Variants in PITPNM3 observed in about 807,000 individuals in gnomAD.
PITPNM3 encodes PITPNM family member 3.
Under a neutral mutation model 102.0 loss-of-function variants are expected in PITPNM3, and 26 were observed. The ratio of observed to expected loss-of-function variants is 0.25; its 90% CI spans 0.19 to 0.35. The LOEUF (loss-of-function observed/expected upper bound fraction) is 0.35, where lower values mean the gene tolerates loss of function less well. Among genes scored for constraint, PITPNM3 ranks in the 10% least tolerant of loss-of-function variants. PITPNM3 has a pLI of 1.00. For synonymous variants in PITPNM3, 578 were observed against 558.6 expected, an observed-to-expected ratio of 1.03 and a Z score of -0.49; for missense variants, 1,083 against 1,346.1, an observed-to-expected ratio of 0.80 and a Z score of 3.06.
In PITPNM3 at chr17:6,472,721, C is replaced by T; in HGVS notation, c.1365G>A (p.Val455=). ...EPLLEPKFHL[V]PPVSVPRYQR... Reference sequence around the variant, plus strand: ...GGTAGCGAGGCACGCTGACAGGCGGCACCAGGTGGAACTTGGGCTCCAGCA... The same window carrying T: ...GGTAGCGAGGCACGCTGACAGGCGGTACCAGGTGGAACTTGGGCTCCAGCA... Residue 455 remains valine, a synonymous_variant, in exon 11 of 20, where the codon GTG becomes GTA. Coordinates refer to ENST00000262483, the MANE Select transcript of PITPNM3 (RefSeq NM_031220.4). The surrounding 1 kb of genome is among the most constrained non-coding windows in gnomAD (Gnocchi z 4.1). 6.2e-7 allele frequency: 1 copy of T among 1,614,074 alleles called. No individual in the cohort carries two copies. Among genetic ancestry groups the T allele is most frequent in the Admixed American group, 1.7e-5 (1 of 60,030 alleles).
chr17:6,484,159 C>G, intron 5 of PITPNM3, 57 bp downstream of exon 5: 3 of 1,515,256 alleles, frequency 2.0e-6, no homozygotes, highest in Non-Finnish European at 2.7e-6. Context: ...TCCGAGGGCT[C>G]TTGCTAAAAT....
intron 2 of PITPNM3, among the ~76,000 whole-genome samples, chr17:6,536,726 G>A (rs540886433): frequency 3.3e-5 from 5 of 152,318 alleles, no homozygotes; most frequent in Admixed American, 2.0e-4. Flanking sequence ...CAAGTGTCCC[G>A]CTCTGGGTAT....
intron 4 of PITPNM3, among the ~76,000 whole-genome samples, chr17:6,499,301 C>A (rs917226438): frequency 1.3e-5 from 2 of 152,234 alleles, no homozygotes; most frequent in Non-Finnish European, 2.9e-5. Flanking sequence ...ACACCCCTCC[C>A]CGCATAGCCA....
chr17:6,491,472 G>T (rs1567674498), intron 4 of PITPNM3, among the ~76,000 whole-genome samples: 1 of 152,176 alleles, frequency 6.6e-6, no homozygotes, highest in Non-Finnish European at 1.5e-5. Context: ...TTTAGCCAAT[G>T]AAAGTTCCCT....
At chr17:6,464,503 G>A (rs775285871) in intron 15 of PITPNM3, 152 bp downstream of exon 15, 34 of 1,051,056 alleles carry the variant, frequency 3.2e-5, no homozygotes, top group Middle Eastern at 5.9e-4. Flanking sequence ...CACCCTTCCC[G>A]GCCCGCCCAA....
chr17:6,477,138 A>G lies in PITPNM3; in HGVS notation c.976T>C (p.Ser326Pro), dbSNP rs1183425570. The G allele has an allele frequency of 6.2e-7, 1 of 1,614,090 alleles. No individual in the cohort carries two copies. Among genetic ancestry groups the G allele is most frequent in the Non-Finnish European group, 8.5e-7 (1 of 1,180,008 alleles). ...KRLSKSNIDI[S>P]SGLEDEEPKR... ...GGCTCCTCATCCTCCAACCCACTGG[A>G]GATGTCAATGTTGCTTTTGCTGAGA... Residue 326 changes from serine to proline, a missense_variant, in exon 9 of 20, where the codon TCC becomes CCC. Around this residue, in one of 5 missense-constraint regions of PITPNM3, gnomAD observed 172 missense variants for 175.6 expected, o/e 0.98. Transcript: ENST00000262483.
intron 3 of PITPNM3, among the ~76,000 whole-genome samples, chr17:6,512,702 T>C (rs1360579869): frequency 4.6e-5 from 7 of 152,052 alleles, no homozygotes; most frequent in Admixed American, 2.6e-4. Flanking sequence ...GGGTGAATGG[T>C]AGGAAAAAAT....
chr17:6,531,630 C>T (rs1014280404), intron 2 of PITPNM3, among the ~76,000 whole-genome samples: 1 of 152,246 alleles, frequency 6.6e-6, no homozygotes, highest in African/African-American at 2.4e-5. Context: ...GGACGGGGTA[C>T]CCAGGGCCAA....
rs567615319 is a variant in PITPNM3 at position 6,487,314 on chromosome 17, T to C, written c.275-3022A>G. ...CCCATGGGGTGGTGGTGAGGATAGA[T>C]GAGTTCATATGCATAAAGGGCTTAG... On this transcript the variant is annotated intron_variant, in intron 4 of 19. Coordinates refer to ENST00000262483, the MANE Select transcript of PITPNM3 (RefSeq NM_031220.4). Among the ~76,000 whole-genome samples, 6 of 152,210 alleles carry C rather than the reference T, an allele frequency of 3.9e-5. 1 individual carries two copies. Among genetic ancestry groups the C allele is most frequent in the African/African-American group, 1.4e-4 (6 of 41,520 alleles).
chr17:6,509,520 T>G (rs1597392824), intron 3 of PITPNM3, among the ~76,000 whole-genome samples: 1 of 152,278 alleles, frequency 6.6e-6, no homozygotes, highest in South Asian at 2.1e-4. Flanking sequence ...CCCTGGGCTC[T>G]CCCCTTACTG....
At chr17:6,539,386 T>C (rs1486176893) in intron 1 of PITPNM3, among the ~76,000 whole-genome samples, 1 of 152,066 alleles carries the variant, frequency 6.6e-6, no homozygotes, top group Admixed American at 6.6e-5. Context: ...AAAGAAATGA[T>C]TGGAAAGGAA....
intron 4 of PITPNM3, among the ~76,000 whole-genome samples, chr17:6,500,589 G>C (rs1907110052): frequency 6.6e-6 from 1 of 152,034 alleles, no homozygotes; most frequent in Admixed American, 6.6e-5. Context: ...GTTCATTTGG[G>C]CATCCCCAAC....
chr17:6,487,927 C>T (rs1285709639), intron 4 of PITPNM3, among the ~76,000 whole-genome samples: 1 of 152,172 alleles, frequency 6.6e-6, no homozygotes, highest in Non-Finnish European at 1.5e-5. Context: ...AAGAGTCTCA[C>T]CTCCTACGCT....
chr17:6,542,751 G>A (rs146207826), intron 1 of PITPNM3, among the ~76,000 whole-genome samples: 3 of 152,320 alleles, frequency 2.0e-5, no homozygotes, highest in Non-Finnish European at 4.4e-5. Flanking sequence ...GGCAGGGTAA[G>A]CCCACCTGAG....
intron 3 of PITPNM3, among the ~76,000 whole-genome samples, chr17:6,522,886 C>T (rs1344034614): frequency 6.6e-6 from 1 of 152,126 alleles, no homozygotes; most frequent in East Asian, 1.9e-4. Context: ...TCAGGAATGA[C>T]AAGGCCATCC....
rs187105212 is a variant in PITPNM3 at position 6,503,433 on chromosome 17, T to C, written c.274+94A>G. ...AGATGGCAGGGATCCTGCCATCCTT[T>C]CAGGCTCTGAGTGGATGAGAGGGGA... On this transcript the variant is annotated intron_variant, in intron 4 of 19. Coordinates refer to ENST00000262483, the MANE Select transcript of PITPNM3 (RefSeq NM_031220.4). 11 of 1,410,400 alleles carry C rather than the reference T, an allele frequency of 7.8e-6. No individual in the cohort carries two copies. In the East Asian group the frequency reaches 2.3e-4, roughly 29 times the overall value. 87.4% of individuals were successfully genotyped at this position (1,410,400 alleles called of 1,614,324 possible). A position where few individuals can be genotyped will look rare whatever the true frequency, so the allele number is the denominator to read the frequency against.
intron 16 of PITPNM3, 63 bp from the exon 17 acceptor site, chr17:6,463,944 G>A (rs1904629659): frequency 1.9e-6 from 3 of 1,600,658 alleles, no homozygotes; most frequent in Non-Finnish European, 2.6e-6. Flanking sequence ...GGAATCCAGA[G>A]GTCAGCCTGT....
In PITPNM3 at chr17:6,534,594, G is replaced by C. The variant is rs1727455618; in HGVS notation, c.118+3393C>G. On this transcript the variant is annotated intron_variant, in intron 2 of 19. Transcript: ENST00000262483. Reference sequence around the variant, plus strand: ...AGCCCCTGCACTTCCACCTTGATGTGTGATCTGGTGGTGGTGGGGGGCAGG... The same window carrying C: ...AGCCCCTGCACTTCCACCTTGATGTCTGATCTGGTGGTGGTGGGGGGCAGG... Among the ~76,000 whole-genome samples the C allele has an allele frequency of 3.3e-5, 5 of 152,350 alleles. No individual in the cohort carries two copies. In the South Asian group the frequency reaches 1.0e-3, roughly 32 times the overall value.
At chr17:6,456,897 A>C (rs1432757184) in intron 19 of PITPNM3, among the ~76,000 whole-genome samples, 1 of 152,024 alleles carries the variant, frequency 6.6e-6, no homozygotes, top group Non-Finnish European at 1.5e-5. Context: ...CTACCAAAAA[A>C]TGCCTCTCAG....
Sources: gnomAD v4.1 joint callset for allele counts (sites outside exome capture counted in the v4.1 genomes callset) on GRCh38, gnomAD v4.1.1 for gene constraint, gnomAD v4.1.1 regional missense constraint, Gnocchi (gnomAD v3.1) non-coding constraint, MANE v1.5 for transcripts, NCBI Gene and HGNC (gene_info 2026-07-23, HGNC 2026-07-21) for gene names.